The following CEP85L variants were observed in gnomAD, a reference collection of about 807,000 sequenced individuals.
CEP85L encodes the protein centrosomal protein of 85 kDa-like.
CEP85L carries 60 observed loss-of-function variants against 100.3 expected under a neutral mutation model. The observed-to-expected ratio is 0.60, with a 90% CI of 0.49 to 0.74. CEP85L has a LOEUF of 0.74. CEP85L is among the 30% of genes least tolerant of loss of function. CEP85L has a pLI of 0.00. For synonymous variants in CEP85L, 319 were observed against 322.7 expected, an observed-to-expected ratio of 0.99 and a Z score of 0.12; for missense variants, 973 against 936.2, an observed-to-expected ratio of 1.04 and a Z score of -0.51.
At chr6:118,669,072 G>T (rs1485376476) in intron 1 of CEP85L, among the ~76,000 whole-genome samples, 1 of 152,218 alleles carries the variant, frequency 6.6e-6, no homozygotes, top group African/African-American at 2.4e-5. Context: ...TTAGCAATAA[G>T]TGTCTCTAAA....
chr6:118,529,602 T>C (rs1450616256), intron 3 of CEP85L, among the ~76,000 whole-genome samples: 1 of 96,822 alleles, frequency 1.0e-5, no homozygotes, highest in Admixed American at 1.2e-4. Flanking sequence ...AGCGAGACTC[T>C]GTCTCCAAAA....
chr6:118,564,995 T>A (rs1190482706), intron 3 of CEP85L: 2 of 148,964 alleles, frequency 1.3e-5, no homozygotes, highest in East Asian at 3.9e-4. Context: ...ACACATAATT[T>A]TTTTTAAAAA....
At chr6:118,593,719 A>C (rs931648333) in intron 2 of CEP85L, among the ~76,000 whole-genome samples, 1 of 151,948 alleles carries the variant, frequency 6.6e-6, no homozygotes, top group Non-Finnish European at 1.5e-5. Flanking sequence ...TGATTTCCCA[A>C]ATATCTCCGA....
In CEP85L at chr6:118,631,122, T is replaced by C. The variant is rs142312116; in HGVS notation, c.232+1331A>G. Among the ~76,000 whole-genome samples the C allele has an allele frequency of 6.8e-3, 1,038 of 152,226 alleles. 8 individuals carry two copies. Among genetic ancestry groups the C allele is most frequent in the Non-Finnish European group, 0.01 (695 of 68,010 alleles). On this transcript the variant is annotated intron_variant, in intron 2 of 12. Coordinates refer to ENST00000368491, the MANE Select transcript of CEP85L (RefSeq NM_001042475.3). Reference sequence around the variant, plus strand: ...ATCAATTGTAACAAATATACTACACTAGTAGGAGATAATGACATTGGAGGA... The same window carrying C: ...ATCAATTGTAACAAATATACTACACCAGTAGGAGATAATGACATTGGAGGA...
intron 3 of CEP85L, among the ~76,000 whole-genome samples, chr6:118,533,644 T>A (rs779889492): frequency 7.2e-5 from 11 of 151,774 alleles, no homozygotes; most frequent in Non-Finnish European, 1.6e-4. Flanking sequence ...GACAAGACAG[T>A]AGGAAAAAAG....
rs62422233 is a variant in CEP85L at position 118,646,623 on chromosome 6, C to A, written c.73+4574G>T. Among the ~76,000 whole-genome samples, 1,107 of 150,676 alleles carry A rather than the reference C, an allele frequency of 7.3e-3. 7 individuals are homozygous for A. The highest frequency in any genetic ancestry group is 0.012 in the Non-Finnish European group (835 of 67,558). ...GACGGAGGTTGCTGTGAGCCGAGAT[C>A]GCACTCCAGCCTGGGTGACAGAATG... On this transcript the variant is annotated intron_variant, in intron 1 of 12. Transcript: ENST00000368491.
chr6:118,654,684 A>G (rs763135758), upstream of CEP85L, among the ~76,000 whole-genome samples: 15 of 152,274 alleles, frequency 9.9e-5, no homozygotes, highest in Middle Eastern at 3.2e-3. Context: ...CCTGGCAGGT[A>G]GAATTCAAAT....
chr6:118,606,814 C>T (rs943034097), intron 2 of CEP85L, among the ~76,000 whole-genome samples: 1 of 152,188 alleles, frequency 6.6e-6, no homozygotes, highest in African/African-American at 2.4e-5. Flanking sequence ...GCACAAAATA[C>T]ACCAGCTTAA....
intron 5 of CEP85L, among the ~76,000 whole-genome samples, chr6:118,492,947 A>T (rs916968427): frequency 6.6e-6 from 1 of 152,170 alleles, no homozygotes; most frequent in Non-Finnish European, 1.5e-5. Flanking sequence ...TATCATGTCC[A>T]GGCTATTTCA....
chr6:118,620,480 TAAAA>T (rs1250151203), intron 2 of CEP85L, among the ~76,000 whole-genome samples: 4 of 152,088 alleles, frequency 2.6e-5, no homozygotes, highest in Non-Finnish European at 1.5e-5. Context: ...AAAGACACTT[TAAAA>T]AAGATTGTCC....
chr6:118,579,317 A>G (rs904645253), intron 2 of CEP85L, among the ~76,000 whole-genome samples: 10 of 145,316 alleles, frequency 6.9e-5, no homozygotes, highest in African/African-American at 2.5e-4. Context: ...TCAAAATAAA[A>G]TATTTTCCAA....
At chr6:118,542,431 A>G (rs12192682) in intron 3 of CEP85L, among the ~76,000 whole-genome samples, 70,501 of 151,886 alleles carry the variant, frequency 0.46, 16,868 homozygotes, top group Middle Eastern at 0.57. Context: ...TGAAATTTAC[A>G]TGTTTAACAA....
intron 1 of CEP85L, among the ~76,000 whole-genome samples, chr6:118,706,699 G>A (rs1777602839): frequency 6.6e-6 from 1 of 152,124 alleles, no homozygotes; most frequent in South Asian, 2.1e-4. Flanking sequence ...ACGCCACCAT[G>A]TCATATTTTC....
chr6:118,662,518 G>A (rs72958930), intron 1 of CEP85L, among the ~76,000 whole-genome samples: 26 of 147,678 alleles, frequency 1.8e-4, no homozygotes, highest in African/African-American at 6.6e-4. Context: ...TGACATGAGG[G>A]AAACCGCATC....
chr6:118,529,440 T>C (rs2114817099), intron 3 of CEP85L, among the ~76,000 whole-genome samples: 1 of 151,916 alleles, frequency 6.6e-6, no homozygotes, highest in African/African-American at 2.4e-5. Context: ...ACCCCATCTC[T>C]ACTAAAAATA....
chr6:118,691,546 A>AAAG lies in CEP85L; in HGVS notation c.-28+18489_-28+18490insCTT, dbSNP rs1005935258. ...AAAACTCCATCTCAAAAAAAAAAAA[A>AAAG]AAAGAAAGAAACCCTGTCTCTACTA... On this transcript the variant is annotated intron_variant, in intron 1 of 13. Transcript: ENST00000368488. Among the ~76,000 whole-genome samples the AAAG allele has an allele frequency of 8.0e-5, 12 of 150,614 alleles. 1 individual carries two copies. The highest frequency in any genetic ancestry group is 2.9e-4 in the African/African-American group (12 of 40,900).
intron 5 of CEP85L, among the ~76,000 whole-genome samples, chr6:118,499,220 GA>G (rs1775116344): frequency 6.6e-6 from 1 of 152,116 alleles, no homozygotes; most frequent in Non-Finnish European, 1.5e-5. Flanking sequence ...ATATCAACTA[GA>G]AAAAGTAAAT....
At chr6:118,629,897 A>C (rs1023538489) in intron 2 of CEP85L, among the ~76,000 whole-genome samples, 2 of 152,210 alleles carry the variant, frequency 1.3e-5, no homozygotes, top group African/African-American at 4.8e-5. Flanking sequence ...AGCCAGTGTG[A>C]GAAAACAAAA....
chr6:118,501,196 G>A (rs1775277404), intron 5 of CEP85L, among the ~76,000 whole-genome samples: 1 of 152,234 alleles, frequency 6.6e-6, no homozygotes, highest in Admixed American at 6.5e-5. Flanking sequence ...ACTCTTTGTA[G>A]AGGTGCTTCT....
Sources: allele counts gnomAD v4.1 joint callset (sites outside exome capture counted in the v4.1 genomes callset), GRCh38; gene constraint gnomAD v4.1.1; transcripts MANE v1.5; gene names NCBI Gene and HGNC (gene_info 2026-07-23, HGNC 2026-07-21).